The following STXBP5 variants were observed in gnomAD, a reference collection of about 807,000 sequenced individuals.
STXBP5 encodes the protein syntaxin binding protein 5, also known as syntaxin-binding protein 5.
A neutral mutation model predicts 152.4 loss-of-function variants in STXBP5; 50 were observed. The observed-to-expected ratio is 0.33, with a 90% CI of 0.26 to 0.42. The LOEUF (loss-of-function observed/expected upper bound fraction) is 0.42, where lower values mean the gene tolerates loss of function less well. STXBP5 is among the 10% of genes least tolerant of loss of function. STXBP5 has a pLI of 1.00. For synonymous variants in STXBP5, 492 were observed against 494.7 expected, an observed-to-expected ratio of 0.99 and a Z score of 0.07; for missense variants, 1,167 against 1,388.6, an observed-to-expected ratio of 0.84 and a Z score of 2.54.
chr6:147,367,078 G>A (rs999438191), intron 25 of STXBP5, among the ~76,000 whole-genome samples: 11 of 152,036 alleles, frequency 7.2e-5, no homozygotes, highest in Non-Finnish European at 1.5e-4. Flanking sequence ...TAACAACTGC[G>A]TTCCATATGT....
At chr6:147,314,133 A>C in intron 12 of STXBP5, 102 bp downstream of exon 12, 1 of 1,475,940 alleles carries the variant, frequency 6.8e-7, no homozygotes, top group Non-Finnish European at 9.3e-7. Context: ...TATGGAAAAT[A>C]GGTTAAAAAT....
chr6:147,266,982 A>G, intron 6 of STXBP5, 102 bp from the exon 7 acceptor site: 8 of 946,142 alleles, frequency 8.5e-6, no homozygotes, highest in African/African-American at 1.7e-5. Context: ...ATACATTTAT[A>G]CTCAACGCAT....
Position 147,260,661 on chromosome 6 carries a change from G to A in STXBP5, c.478G>A (p.Gly160Ser). 1 of 1,613,594 alleles carries A rather than the reference G, an allele frequency of 6.2e-7. No homozygotes were observed. Among genetic ancestry groups the A allele is most frequent in the Non-Finnish European group, 8.5e-7 (1 of 1,179,740 alleles). Residue 160 changes from glycine to serine, a missense_variant, in exon 5 of 28, where the codon GGC (glycine) becomes AGC (serine). Physicochemically the swap from Gly to Ser is moderately conservative, Grantham distance 56. Transcript: ENST00000321680. ...TTTCCAGAGTAAGTGGCTCTATGTG[G>A]GCACTGAACGAGGTAATATACATAT... ...LPFQSKWLYV[G>S]TERGNIHIVN...
intron 2 of STXBP5, among the ~76,000 whole-genome samples, chr6:147,213,962 A>C (rs1210402977): frequency 6.6e-6 from 1 of 152,182 alleles, no homozygotes; most frequent in Non-Finnish European, 1.5e-5. Context: ...TACTGACATG[A>C]TTTTTATGAA....
intron 16 of STXBP5, among the ~76,000 whole-genome samples, chr6:147,322,076 T>C (rs1276070143): frequency 6.6e-6 from 1 of 152,206 alleles, no homozygotes; most frequent in African/African-American, 2.4e-5. Context: ...TCTAAAATTA[T>C]CCCTGGAATG....
chr6:147,359,418 CA>C (rs1784962430), intron 23 of STXBP5, 95 bp downstream of exon 23: 2 of 1,451,552 alleles, frequency 1.4e-6, no homozygotes, highest in African/African-American at 2.8e-5. Context: ...CTAAGAATTC[CA>C]AAATGTAAAG....
intron 21 of STXBP5, among the ~76,000 whole-genome samples, chr6:147,340,049 C>A: frequency 6.6e-6 from 1 of 151,936 alleles, no homozygotes; most frequent in Non-Finnish European, 1.5e-5. Context: ...CAGATGTTCT[C>A]CAAAGATTTT....
Position 147,260,703 on chromosome 6 carries a change from T to C in STXBP5, c.520T>C (p.Phe174Leu), listed in dbSNP as rs767061374. 3.1e-6 allele frequency: 5 copies of C among 1,613,770 alleles called. No individual in the cohort carries two copies. Among genetic ancestry groups the C allele is most frequent in the Non-Finnish European group, 2.5e-6 (3 of 1,179,738 alleles). Residue 174 changes from phenylalanine to leucine, a missense_variant, in exon 5 of 28, where the codon TTC becomes CTC. Phe to Leu is a conservative substitution (Grantham distance 22). This residue lies in a region of STXBP5 where 310 missense variants were observed against 346.1 expected (regional missense o/e 0.90). Coordinates refer to ENST00000321680, the MANE Select transcript of STXBP5 (RefSeq NM_001127715.4). ...GNIHIVNVESFTLSGYVIMWN... is the reference protein window; with the variant it reads ...GNIHIVNVESLTLSGYVIMWN... ...TATACATATTGTCAATGTGGAGTCC[T>C]TCACACTCTCAGGCTACGTCATTAT...
chr6:147,340,804 G>A (rs916122169), intron 21 of STXBP5, among the ~76,000 whole-genome samples: 1 of 151,954 alleles, frequency 6.6e-6, no homozygotes, highest in Non-Finnish European at 1.5e-5. Flanking sequence ...TAATACTTGA[G>A]CTTGACTATT....
chr6:147,225,521 G>A (rs970339943), intron 2 of STXBP5, among the ~76,000 whole-genome samples: 3 of 151,968 alleles, frequency 2.0e-5, no homozygotes, highest in African/African-American at 7.3e-5. Flanking sequence ...AATAATTGAA[G>A]AACAGATTCT....
chr6:147,344,586 G>T (rs12527235), intron 21 of STXBP5, among the ~76,000 whole-genome samples: 1 of 151,972 alleles, frequency 6.6e-6, no homozygotes, highest in Non-Finnish European at 1.5e-5. Flanking sequence ...CTCATTGTAT[G>T]CCCACATGGG....
chr6:147,369,729 G>A (rs1191312991), intron 25 of STXBP5, among the ~76,000 whole-genome samples: 2 of 152,000 alleles, frequency 1.3e-5, no homozygotes, highest in Non-Finnish European at 2.9e-5. Context: ...AAACCACAGT[G>A]AGATACCATT....
chr6:147,218,897 CAAAG>C (rs961931289), intron 2 of STXBP5, among the ~76,000 whole-genome samples: 4 of 152,196 alleles, frequency 2.6e-5, no homozygotes, highest in African/African-American at 9.6e-5. Flanking sequence ...TATCAATGAA[CAAAG>C]AAAGTTTTCT....
intron 9 of STXBP5, among the ~76,000 whole-genome samples, chr6:147,293,597 A>G (rs1380500890): frequency 1.3e-5 from 2 of 152,190 alleles, no homozygotes; most frequent in African/African-American, 4.8e-5. Context: ...AAATTTTATA[A>G]AAAGCCATCC....
chr6:147,334,311 T>A, intron 19 of STXBP5, 89 bp downstream of exon 19: 1 of 1,177,216 alleles, frequency 8.5e-7, no homozygotes, highest in Non-Finnish European at 1.2e-6. Flanking sequence ...GATATGCATT[T>A]AAAATACATC....
At chr6:147,280,415 A>G (rs1307381677) in intron 8 of STXBP5, among the ~76,000 whole-genome samples, 1 of 152,186 alleles carries the variant, frequency 6.6e-6, no homozygotes, top group East Asian at 1.9e-4. Context: ...TCCTTTGGTT[A>G]AAGTTCTGTC....
At chr6:147,218,267 CAT>C (rs1358182841) in intron 2 of STXBP5, among the ~76,000 whole-genome samples, 7 of 152,158 alleles carry the variant, frequency 4.6e-5, no homozygotes, top group African/African-American at 7.2e-5. Context: ...AATATAATTA[CAT>C]GTCTTTCATC....
chr6:147,347,456 G>T (rs1005360403), intron 21 of STXBP5, among the ~76,000 whole-genome samples: 3 of 152,190 alleles, frequency 2.0e-5, no homozygotes, highest in Non-Finnish European at 4.4e-5. Context: ...GAAAGCCATG[G>T]TAGGAAGACT....
rs549205531 is a variant in STXBP5 at position 147,297,092 on chromosome 6, T to C, written c.917+5920T>C. The stretch of plus-strand genomic sequence containing the variant: ...AAAATTGCTCAAGTTGGGAGAGATA[T>C]GTATATTCAGATCCAGGAAGCTCTG... On this transcript the variant is annotated intron_variant, in intron 9 of 27. Coordinates refer to ENST00000321680, the MANE Select transcript of STXBP5 (RefSeq NM_001127715.4). 2.4e-4 allele frequency among the ~76,000 whole-genome samples: 37 copies of C among 152,168 alleles called. 1 individual carries two copies. The highest frequency in any genetic ancestry group is 3.2e-4 in the Non-Finnish European group (22 of 68,028).
Sources: gnomAD v4.1 joint callset for allele counts (sites outside exome capture counted in the v4.1 genomes callset) on GRCh38, gnomAD v4.1.1 for gene constraint, gnomAD v4.1.1 regional missense constraint, MANE v1.5 for transcripts, NCBI Gene and HGNC (gene_info 2026-07-23, HGNC 2026-07-21) for gene names.